The following NLRC4 variants were observed in gnomAD, a reference collection of about 807,000 sequenced individuals.
NLRC4 encodes the protein NLR family CARD domain-containing protein 4.
In NLRC4, 63 loss-of-function variants were observed where a neutral mutation model predicts 79.9. The observed-to-expected ratio is 0.79, with a 90% CI of 0.64 to 0.97. The LOEUF is 0.97. NLRC4 is among the 50% of genes least tolerant of loss of function. NLRC4 has a pLI of 0.00. For missense variants in NLRC4, 1,074 were observed against 1,215.2 expected (o/e 0.88, Z 1.73); for synonymous variants, 461 against 456.5 (o/e 1.01, Z -0.12).
intron 6 of NLRC4, among the ~76,000 whole-genome samples, chr2:32,237,025 G>A (rs466126): frequency 0.63 from 95,406 of 151,506 alleles, 30,531 homozygotes; most frequent in African/African-American, 0.72. Context: ...CAAAAGACGT[G>A]TTTGAATGAC....
rs58301612 is a variant in NLRC4, at chr2:32,245,310, C to CAAA, written c.2258-4188_2258-4186dup. 8.7e-3 allele frequency among the ~76,000 whole-genome samples: 679 copies of CAAA among 77,882 alleles called. 25 individuals are homozygous for CAAA. Among genetic ancestry groups the CAAA allele is most frequent in the African/African-American group, 0.03 (569 of 18,980 alleles). 51.1% of individuals were successfully genotyped at this position (77,882 alleles called of 152,430 possible). A position where few individuals can be genotyped will look rare whatever the true frequency, so the allele number is the denominator to read the frequency against. On this transcript the variant is annotated intron_variant, in intron 4 of 8. Coordinates refer to ENST00000402280, the MANE Select transcript of NLRC4 (RefSeq NM_001199138.2). The stretch of plus-strand genomic sequence containing the variant: ...TGGGCGACAGAGTGAGACTCCTTCT[C>CAAA]AAAAAAAAAAAAAAAAAAAAAAACA...
At chr2:32,234,565 T>C (rs1175472220) in intron 8 of NLRC4, among the ~76,000 whole-genome samples, 1 of 152,242 alleles carries the variant, frequency 6.6e-6, no homozygotes, top group African/African-American at 2.4e-5. Flanking sequence ...TATTAATGTT[T>C]CCATACGCTG....
chr2:32,231,064 T>G (rs182454488), intron 8 of NLRC4, among the ~76,000 whole-genome samples: 9 of 152,368 alleles, frequency 5.9e-5, no homozygotes, highest in Admixed American at 5.9e-4. Flanking sequence ...TTTTGCGATT[T>G]ACATATCTTC....
chr2:32,226,945 C>T (rs1234801190), intron 8 of NLRC4, among the ~76,000 whole-genome samples: 1 of 152,004 alleles, frequency 6.6e-6, no homozygotes, highest in Admixed American at 6.6e-5. Context: ...CTCCTTATTC[C>T]ATAGTTAATA....
intron 8 of NLRC4, among the ~76,000 whole-genome samples, chr2:32,232,263 A>C (rs189204797): frequency 3.3e-5 from 5 of 152,174 alleles, no homozygotes; most frequent in African/African-American, 1.2e-4. Context: ...GCTGCATGCT[A>C]CAAGTTTTGA....
intron 6 of NLRC4, among the ~76,000 whole-genome samples, chr2:32,237,423 C>T (rs1255740759): frequency 6.6e-6 from 1 of 152,124 alleles, no homozygotes; most frequent in Non-Finnish European, 1.5e-5. Flanking sequence ...AAGGCATGTG[C>T]TCATTGTTCT....
chr2:32,260,243 A>G (rs1374468510), intron 1 of NLRC4, among the ~76,000 whole-genome samples: 1 of 151,680 alleles, frequency 6.6e-6, no homozygotes, highest in Non-Finnish European at 1.5e-5. Flanking sequence ...ACAACGAAAA[A>G]AAAAAAACTA....
Position 32,250,233 on chromosome 2 carries a change from T to C in NLRC4, c.1631A>G (p.Glu544Gly). 1 of 1,614,234 alleles carries C rather than the reference T, an allele frequency of 6.2e-7. No homozygotes were observed. The highest frequency in any genetic ancestry group is 8.5e-7 in the Non-Finnish European group (1 of 1,180,050). ...ATTGATGTTTATGGCTTTCAGAATT[T>C]CTTGCTCAGTGGTGTTTTTCACACT... is the stretch of plus-strand genomic sequence containing the variant. The part of the protein sequence containing the change: ...LQSVKNTTEQ[E>G]ILKAININSF... The change falls in exon 4 of 9, where the codon GAA becomes GGA. Residue 544 changes from glutamate (E) to glycine (G), a missense_variant. Transcript: ENST00000402280. The surrounding 1 kb of genome is among the most constrained non-coding windows in gnomAD (Gnocchi z 4.9).
At chr2:32,264,127 A>G (rs912299747) in intron 1 of NLRC4, among the ~76,000 whole-genome samples, 9 of 152,098 alleles carry the variant, frequency 5.9e-5, no homozygotes, top group African/African-American at 2.2e-4. Context: ...TTCTAACAAC[A>G]GTCTTAGCAA....
intron 1 of NLRC4, among the ~76,000 whole-genome samples, chr2:32,262,080 AAAAAAAAG>A (rs1438526093): frequency 2.0e-5 from 3 of 151,944 alleles, no homozygotes; most frequent in Admixed American, 6.6e-5. Flanking sequence ...ACTCTGGGTC[AAAAAAAAG>A]AAAAAAAGAA....
At position 32,250,162 on chromosome 2, in the gene NLRC4, T is replaced by C; in HGVS notation, c.1702A>G (p.Lys568Glu). The C allele has an allele frequency of 1.2e-6, 2 of 1,614,272 alleles. No individual in the cohort carries two copies. The highest frequency in any genetic ancestry group is 1.7e-6 in the Non-Finnish European group (2 of 1,180,056). Reference protein sequence around the residue: ...GIHLYQESTSKSALSQEFEAF... With the variant: ...GIHLYQESTSESALSQEFEAF... ...TCAAATTCTTGGCTCAGGGCTGATT[T>C]GGATGTACTCTCTTGATATAAATGG... is the stretch of plus-strand genomic sequence containing the variant. The change falls in exon 4 of 9, where the codon AAA becomes GAA. Residue 568 changes from lysine (K) to glutamate (E), a missense_variant. By Grantham distance (56) the Lys-to-Glu change is moderately conservative. Coordinates refer to ENST00000402280, the MANE Select transcript of NLRC4 (RefSeq NM_001199138.2). The surrounding 1 kb of genome is among the most constrained non-coding windows in gnomAD (Gnocchi z 4.9).
chr2:32,255,698 T>C (rs1403261821), intron 2 of NLRC4, among the ~76,000 whole-genome samples: 1 of 151,802 alleles, frequency 6.6e-6, no homozygotes, highest in African/African-American at 2.4e-5. Flanking sequence ...GTCACATAAC[T>C]CTCATACCCA....
chr2:32,251,738 G>A, intron 3 of NLRC4, 137 bp from the exon 4 acceptor site: 1 of 616,732 alleles, frequency 1.6e-6, no homozygotes, highest in Non-Finnish European at 2.9e-6. Context: ...GTTCTGAGCT[G>A]GCACAAAGGG....
intron 4 of NLRC4, among the ~76,000 whole-genome samples, chr2:32,248,152 T>C (rs1686982786): frequency 1.3e-5 from 2 of 152,088 alleles, no homozygotes; most frequent in Admixed American, 1.3e-4. Flanking sequence ...AAATAAATAA[T>C]AAATAATAAA....
intron 8 of NLRC4, among the ~76,000 whole-genome samples, chr2:32,232,985 G>C (rs1418046836): frequency 6.6e-6 from 1 of 151,900 alleles, no homozygotes; most frequent in Non-Finnish European, 1.5e-5. Context: ...GAGCATAGTG[G>C]CCTCTAGTCC....
At chr2:32,234,353 G>A (rs1396338123) in intron 8 of NLRC4, among the ~76,000 whole-genome samples, 1 of 151,890 alleles carries the variant, frequency 6.6e-6, no homozygotes, top group African/African-American at 2.4e-5. Context: ...CTGCACTCCA[G>A]CCTGGGCGAC....
chr2:32,233,194 AAGGG>A lies in NLRC4; in HGVS notation c.2782+2203_2782+2206del, dbSNP rs1356151932. ...GAAGGAAGGAAGGAAGGAAGGAAGG[AAGGG>A]AGGGAGGGAAAGGAAGAAGGAAGGG... On this transcript the variant is annotated intron_variant, in intron 8 of 8. Coordinates refer to ENST00000402280, the MANE Select transcript of NLRC4 (RefSeq NM_001199138.2). 3.1e-3 allele frequency among the ~76,000 whole-genome samples: 144 copies of A among 47,036 alleles called. 2 individuals are homozygous for A. Among genetic ancestry groups the A allele is most frequent in the Non-Finnish European group, 4.3e-3 (109 of 25,532 alleles). 30.9% of individuals were successfully genotyped at this position (47,036 alleles called of 152,430 possible).
At position 32,236,410 on chromosome 2, in the gene NLRC4, G is replaced by C; in HGVS notation, c.2522-71C>G. 2 of 811,386 alleles carry C rather than the reference G, an allele frequency of 2.5e-6. 1 individual carries two copies. Among genetic ancestry groups the C allele is most frequent in the South Asian group, 3.4e-5 (2 of 59,612 alleles). The allele number at this position is 811,386 out of a possible 1,614,324, so 50.3% of individuals were successfully genotyped here. On this transcript the variant is annotated intron_variant, in intron 6 of 8. Transcript: ENST00000402280. ...ATAAATGTATTTTGAAGTATCCTTA[G>C]AATAATTCTGAGTTTTATCTTCTCT... is the stretch of plus-strand genomic sequence containing the variant.
chr2:32,264,395 C>G (rs1235613057), intron 1 of NLRC4, among the ~76,000 whole-genome samples: 1 of 147,022 alleles, frequency 6.8e-6, no homozygotes, highest in Non-Finnish European at 1.5e-5. Context: ...GATCACGCCA[C>G]TGCAGTCCAG....
Sources: allele counts gnomAD v4.1 joint callset (sites outside exome capture counted in the v4.1 genomes callset), GRCh38; gene constraint gnomAD v4.1.1; non-coding constraint Gnocchi (gnomAD v3.1); transcripts MANE v1.5; gene names NCBI Gene and HGNC (gene_info 2026-07-23, HGNC 2026-07-21).